TAC4: variants seen among roughly 807,000 people sequenced by gnomAD.
TAC4 encodes the protein tachykinin precursor 4.
A neutral mutation model predicts 17.7 loss-of-function variants in TAC4; 17 were observed. That is an observed-to-expected ratio of 0.96 (90% CI 0.66 to 1.44). The LOEUF (loss-of-function observed/expected upper bound fraction) is 1.44, where lower values mean the gene tolerates loss of function less well. TAC4 is among the 40% of genes most tolerant of loss of function. The probability of loss-of-function intolerance (pLI) is 0.00; values close to 1 mark genes in which losing one functional copy is unlikely to be tolerated. For synonymous variants in TAC4, 62 were observed against 52.4 expected (o/e 1.18, Z -0.79); for missense variants, 118 against 125.6 (o/e 0.94, Z 0.29).
At chr17:49,847,230 C>T (rs568771063) in intron 1 of TAC4, 1 of 1,290,118 alleles carries the variant, frequency 7.8e-7, no homozygotes, top group African/African-American at 1.5e-5. Context: ...TGAGCACTGG[C>T]CTCTTATTTA....
chr17:49,843,995 C>T, intron 2 of TAC4, 69 bp downstream of exon 2: 2 of 1,435,154 alleles, frequency 1.4e-6, no homozygotes, highest in Non-Finnish European at 2.0e-6. Flanking sequence ...TGACTTAGGG[C>T]CTCTGCTTTA....
rs1367624179 is a variant in TAC4 at position 49,847,967 on chromosome 17, A to T, written c.51T>A (p.Thr17=). The change falls in exon 1 of 5, where the codon ACT becomes ACA. Residue 17 remains threonine, a synonymous_variant. Transcript: ENST00000436235. ...GTTCCTCTCCACCATCACCTGCCAC[A>T]GTGCACACGGACAGCTCCATCAGGA... The part of the protein sequence containing the change: ...LLLLMELSVC[T]VAGDGGEEQT... The T allele has an allele frequency of 2.5e-6, 4 of 1,614,154 alleles. No homozygotes were observed. The highest frequency in any genetic ancestry group is 3.4e-6 in the Non-Finnish European group (4 of 1,180,030).
rs770227786 is a variant in TAC4 at position 49,844,081 on chromosome 17, A to G, written c.182T>C (p.Met61Thr). 4 of 1,613,864 alleles carry G rather than the reference A, an allele frequency of 2.5e-6. No homozygotes were observed. The highest frequency in any genetic ancestry group is 2.2e-5 in the East Asian group (1 of 44,878). Residue 61 changes from methionine to threonine, a missense_variant, in exon 2 of 5, where the codon ATG (methionine) becomes ACG (threonine). Coordinates refer to ENST00000436235, the MANE Select transcript of TAC4 (RefSeq NM_001077506.2). ...TGKASQFFGL[M>T]GKRVGGRPLI... ...TCACTCACCTCCCACTCGCTTCCCCATCAGCCCAAAGAACTGGCTTGCCTT... is the reference window on the plus strand; with the variant it reads ...TCACTCACCTCCCACTCGCTTCCCCGTCAGCCCAAAGAACTGGCTTGCCTT...
intron 4 of TAC4, 43 bp downstream of exon 4, chr17:49,839,807 T>A (rs1348400430): frequency 6.3e-7 from 1 of 1,585,208 alleles, no homozygotes; most frequent in African/African-American, 1.3e-5. Context: ...TGTCTGGCCA[T>A]TTTCCCATGA....
intron 1 of TAC4, chr17:49,846,341 A>G (rs747600333): frequency 2.4e-6 from 2 of 825,604 alleles, no homozygotes; most frequent in Non-Finnish European, 3.4e-6. Flanking sequence ...CAGCAGCACA[A>G]GCACGACTCA....
At position 49,844,085 on chromosome 17, in the gene TAC4, G is replaced by C; in HGVS notation, c.178C>G (p.Leu60Val). The C allele has an allele frequency of 6.2e-7, 1 of 1,613,942 alleles. No homozygotes were observed. The highest frequency in any genetic ancestry group is 8.5e-7 in the Non-Finnish European group (1 of 1,179,818). The change falls in exon 2 of 5, where the codon CTG becomes GTG. Residue 60 changes from leucine (L) to valine (V), a missense_variant. Transcript: ENST00000436235. ...TCACCTCCCACTCGCTTCCCCATCA[G>C]CCCAAAGAACTGGCTTGCCTTGCCC... is the stretch of plus-strand genomic sequence containing the variant. ...KTGKASQFFG[L>V]MGKRVGGRPL...
At chr17:49,846,340 A>C (rs1353615682) in intron 1 of TAC4, 1 of 838,126 alleles carries the variant, frequency 1.2e-6, no homozygotes, top group South Asian at 1.5e-5. Context: ...GCAGCAGCAC[A>C]AGCACGACTC....
intron 1 of TAC4, 42 bp from the exon 2 acceptor site, chr17:49,844,199 C>T: frequency 6.2e-7 from 1 of 1,603,206 alleles, no homozygotes; most frequent in Non-Finnish European, 8.5e-7. Context: ...GGAGGTTGTC[C>T]AGCAGACGGG....
intron 3 of TAC4, among the ~76,000 whole-genome samples, chr17:49,840,906 T>TG (rs1472383567): frequency 7.1e-6 from 1 of 141,838 alleles, no homozygotes; most frequent in Non-Finnish European, 1.5e-5. Context: ...TTTTTTTTTT[T>TG]TTTTTTGAGA....
intron 2 of TAC4, among the ~76,000 whole-genome samples, chr17:49,841,901 CTTTTTTTTTTTTT>C (rs1161302297): frequency 3.0e-5 from 3 of 99,132 alleles, no homozygotes; most frequent in African/African-American, 1.2e-4. Flanking sequence ...GAGATTTAAT[CTTTTTTTTTTTTT>C]TTTTTTTTTT....
intron 1 of TAC4, chr17:49,847,137 G>C: frequency 7.8e-7 from 1 of 1,289,922 alleles, no homozygotes; most frequent in South Asian, 1.2e-5. Flanking sequence ...CGCAAGCCAA[G>C]GCCACCCCAG....
chr17:49,844,698 C>T (rs1780040571), intron 1 of TAC4, among the ~76,000 whole-genome samples: 2 of 152,186 alleles, frequency 1.3e-5, no homozygotes, highest in African/African-American at 4.8e-5. Context: ...GCAGAGGCTG[C>T]AGTGAGCCAA....
chr17:49,843,962 ACCTGACCC>A, intron 2 of TAC4, 94 bp downstream of exon 2: 1 of 1,016,386 alleles, frequency 9.8e-7, no homozygotes, highest in South Asian at 1.3e-5. Context: ...GGACTGGAGT[ACCTGACCC>A]CAGTTACTGG....
intron 3 of TAC4, 79 bp from the exon 4 acceptor site, chr17:49,839,988 ACAGGGCCAGGGC>A: frequency 6.9e-7 from 1 of 1,451,998 alleles, no homozygotes; most frequent in Non-Finnish European, 9.6e-7. Flanking sequence ...AGGACAAAGG[ACAGGGCCAGGGC>A]GAGGGCCGGG....
intron 4 of TAC4, 122 bp from the exon 5 acceptor site, chr17:49,838,795 G>T: frequency 1.1e-6 from 1 of 946,714 alleles, no homozygotes; most frequent in Non-Finnish European, 1.6e-6. Context: ...TCTCCTTTCT[G>T]GAGATATCTA....
At chr17:49,847,704 C>G (rs1317922407) in intron 1 of TAC4, 13 of 639,806 alleles carry the variant, frequency 2.0e-5, no homozygotes, top group Non-Finnish European at 2.9e-5. Context: ...CACACACACA[C>G]ACACACACAC....
rs1567876522 is a variant in TAC4, at chr17:49,847,124, GA to G, written c.105+788del. 7.8e-6 allele frequency: 10 copies of G among 1,289,862 alleles called. No individual in the cohort carries two copies. The Admixed American group carries it at 2.3e-4, about 30-fold the overall frequency. 79.9% of individuals were successfully genotyped at this position (1,289,862 alleles called of 1,614,324 possible). Reference sequence around the variant, plus strand: ...CTCCGAGGACCTCATCGTGGCCCAGGACCGCAAGCCAAGGCCACCCCAGTGT... The same window carrying G: ...CTCCGAGGACCTCATCGTGGCCCAGGCCGCAAGCCAAGGCCACCCCAGTGT... On this transcript the variant is annotated intron_variant, in intron 1 of 4. Coordinates refer to ENST00000436235, the MANE Select transcript of TAC4 (RefSeq NM_001077506.2).
Position 49,839,674 on chromosome 17 carries a change from G to A in TAC4, c.292+176C>T, listed in dbSNP as rs563381999. On this transcript the variant is annotated intron_variant, in intron 4 of 4. Transcript: ENST00000436235. ...GAGGGTGCAGCTTCTGGGCCATAGC[G>A]ATTTCAATCTTGGGACCACCTCCTT... Among the ~76,000 whole-genome samples, 5 of 152,220 alleles carry A rather than the reference G, an allele frequency of 3.3e-5. No individual in the cohort carries two copies. The South Asian group carries it at 6.2e-4, about 19-fold the overall frequency.
At chr17:49,841,901 C>CTTTTTT (rs1161302297) in intron 2 of TAC4, among the ~76,000 whole-genome samples, 3 of 99,132 alleles carry the variant, frequency 3.0e-5, no homozygotes, top group Non-Finnish European at 5.9e-5. Flanking sequence ...GAGATTTAAT[C>CTTTTTT]TTTTTTTTTT....
Sources: gnomAD v4.1 joint callset for allele counts (sites outside exome capture counted in the v4.1 genomes callset) on GRCh38, gnomAD v4.1.1 for gene constraint, MANE v1.5 for transcripts, NCBI Gene and HGNC (gene_info 2026-07-23, HGNC 2026-07-21) for gene names.